NUP37: variants seen among roughly 807,000 people sequenced by gnomAD.
NUP37 encodes nucleoporin Nup37.
A neutral mutation model predicts 45.4 loss-of-function variants in NUP37; 33 were observed. The ratio of observed to expected loss-of-function variants is 0.73; its 90% CI spans 0.55 to 0.97. The LOEUF (loss-of-function observed/expected upper bound fraction) is 0.97, where lower values mean the gene tolerates loss of function less well. Ranked by LOEUF, NUP37 falls within the 50% of genes least tolerant of loss-of-function variation. The pLI is 0.00. For missense variants in NUP37, 365 were observed against 389.7 expected (o/e 0.94, Z 0.53); for synonymous variants, 127 against 130.7 (o/e 0.97, Z 0.19).
At chr12:102,074,787 CA>C in intron 9 of NUP37, 3 of 443,902 alleles carry the variant, frequency 6.8e-6, no homozygotes, top group South Asian at 5.2e-5. Flanking sequence ...GAATACTGGC[CA>C]AAAAAACCTG....
In NUP37 at chr12:102,112,094, A is replaced by G. The variant is rs747870614; in HGVS notation, c.281+14T>C. On this transcript the variant is annotated intron_variant, in intron 3 of 9. Coordinates refer to ENST00000552283, the MANE Select transcript of NUP37 (RefSeq NM_024057.4). ...TACATTAGTAAGGAATGCATTTGGT[A>G]CTGTTAAACTTACTTGATTACTGGA... 3.1e-6 allele frequency: 5 copies of G among 1,611,838 alleles called. No individual in the cohort carries two copies. In the South Asian group the frequency reaches 5.5e-5, roughly 18 times the overall value.
chr12:102,108,627 GTATGT>G (rs138745104), intron 3 of NUP37, among the ~76,000 whole-genome samples: 5,669 of 152,208 alleles, frequency 0.037, 141 homozygotes, highest in African/African-American at 0.068. Context: ...GTTTAAACAC[GTATGT>G]TATATTTTAT....
chr12:102,118,601 G>A lies in NUP37; in HGVS notation c.-65-18C>T, dbSNP rs1340186561. The A allele has an allele frequency of 3.2e-6, 4 of 1,242,674 alleles. No individual in the cohort carries two copies. Among genetic ancestry groups the A allele is most frequent in the Non-Finnish European group, 3.4e-6 (3 of 886,498 alleles). The allele number at this position is 1,242,674 out of a possible 1,614,324, so 77.0% of individuals were successfully genotyped here. A position where few individuals can be genotyped will look rare whatever the true frequency, so the allele number is the denominator to read the frequency against. ...TCACGAAACTGTGGATTAGAGCACA[G>A]GTACAATTACAATGGTCAATATGTT... is the stretch of plus-strand genomic sequence containing the variant. On this transcript the variant is annotated intron_variant, in intron 1 of 9. Transcript: ENST00000552283.
chr12:102,075,521 T>C (rs1330519634), intron 8 of NUP37, among the ~76,000 whole-genome samples: 1 of 152,188 alleles, frequency 6.6e-6, no homozygotes, highest in Non-Finnish European at 1.5e-5. Flanking sequence ...GTGATTTTAA[T>C]AATCCTAAAT....
chr12:102,117,000 TCAAAA>T (rs1349900204), intron 2 of NUP37, among the ~76,000 whole-genome samples: 1 of 152,054 alleles, frequency 6.6e-6, no homozygotes, highest in Non-Finnish European at 1.5e-5. Flanking sequence ...AGACTCCGTC[TCAAAA>T]CAAAACAAAA....
rs373881817 is a variant in NUP37, at chr12:102,091,373, G to A, written c.450-5517C>T. ...AGATTTTGCCACTGTACTCCAGCCCGGGAAACAGAGTGAGAGACTCCGTCT... is the reference window on the plus strand; with the variant it reads ...AGATTTTGCCACTGTACTCCAGCCCAGGAAACAGAGTGAGAGACTCCGTCT... On this transcript the variant is annotated intron_variant, in intron 5 of 9. Coordinates refer to ENST00000552283, the MANE Select transcript of NUP37 (RefSeq NM_024057.4). Among the ~76,000 whole-genome samples, 167 of 129,348 alleles carry A rather than the reference G, an allele frequency of 1.3e-3. 5 individuals are homozygous for A. The highest frequency in any genetic ancestry group is 8.0e-3 in the South Asian group (33 of 4,120). The allele number at this position is 129,348 out of a possible 152,430, so 84.9% of individuals were successfully genotyped here.
At chr12:102,087,984 T>TAACA (rs547836003) in intron 5 of NUP37, among the ~76,000 whole-genome samples, 1 of 152,138 alleles carries the variant, frequency 6.6e-6, no homozygotes, top group Non-Finnish European at 1.5e-5. Context: ...TTAAGAAAAC[T>TAACA]AACAAACAAA....
chr12:102,083,265 A>G (rs1879377801), intron 6 of NUP37, among the ~76,000 whole-genome samples: 2 of 152,238 alleles, frequency 1.3e-5, no homozygotes, highest in African/African-American at 4.8e-5. Context: ...GTGTGTTTTA[A>G]GTAGACTCAC....
intron 6 of NUP37, among the ~76,000 whole-genome samples, chr12:102,083,779 C>T (rs1000447784): frequency 3.3e-5 from 5 of 152,176 alleles, no homozygotes; most frequent in South Asian, 2.1e-4. Flanking sequence ...TCAGATAATG[C>T]GGCTTTAAAA....
intron 5 of NUP37, among the ~76,000 whole-genome samples, chr12:102,097,797 G>A (rs764297304): frequency 6.6e-6 from 1 of 151,960 alleles, no homozygotes; most frequent in African/African-American, 2.4e-5. Context: ...TACTCTTCAG[G>A]TCACTATACA....
At position 102,075,051 on chromosome 12, in the gene NUP37, G is replaced by T; in HGVS notation, c.817C>A (p.Pro273Thr). ...TGAAACTGGCTTGCCATTTTGCCAG[G>T]ATAACCAGTGGTTGCAAACAGATTT... ...SENLFATTGY[P>T]GKMASQFQIH... The change falls in exon 9 of 10, where the codon CCT (proline) becomes ACT (threonine). Residue 273 changes from proline to threonine, a missense_variant. Pro to Thr is a conservative substitution (Grantham distance 38). Coordinates refer to ENST00000552283, the MANE Select transcript of NUP37 (RefSeq NM_024057.4). 1.2e-6 allele frequency: 2 copies of T among 1,610,548 alleles called. No homozygotes were observed. The highest frequency in any genetic ancestry group is 1.7e-6 in the Non-Finnish European group (2 of 1,177,882).
chr12:102,078,957 T>C (rs1879259242), intron 6 of NUP37: 1 of 184,616 alleles, frequency 5.4e-6, no homozygotes, highest in Non-Finnish European at 1.2e-5. Context: ...TACCCATCTG[T>C]GGGAGATAAG....
intron 5 of NUP37, among the ~76,000 whole-genome samples, chr12:102,091,832 G>A (rs1879665687): frequency 6.6e-6 from 1 of 152,210 alleles, no homozygotes; most frequent in African/African-American, 2.4e-5. Context: ...TGATGGGATA[G>A]AGAGCTATTC....
intron 3 of NUP37, among the ~76,000 whole-genome samples, chr12:102,111,783 T>C (rs1247639094): frequency 7.9e-6 from 1 of 126,562 alleles, no homozygotes; most frequent in Admixed American, 7.5e-5. Flanking sequence ...CTCAACCAAA[T>C]TTAGTTATTT....
intron 8 of NUP37, 49 bp from the exon 9 acceptor site, chr12:102,075,143 G>T: frequency 8.4e-7 from 1 of 1,184,406 alleles, no homozygotes; most frequent in South Asian, 1.5e-5. Flanking sequence ...TATGGATAAT[G>T]ACAAGCTTTT....
rs150087928 is a variant in NUP37, at chr12:102,112,569, G to A, written c.157-337C>T. On this transcript the variant is annotated intron_variant, in intron 2 of 9. Transcript: ENST00000552283. ...CCCAACACTTTGCGGGGCTGAGGTG[G>A]AAGGATTGCTTGAGCTCTGGAGTCT... Among the ~76,000 whole-genome samples, 898 of 152,272 alleles carry A rather than the reference G, an allele frequency of 5.9e-3. 11 individuals are homozygous for A. The highest frequency in any genetic ancestry group is 0.02 in the African/African-American group (842 of 41,542).
intron 6 of NUP37, among the ~76,000 whole-genome samples, chr12:102,083,967 A>G (rs1209487778): frequency 6.6e-6 from 1 of 152,230 alleles, no homozygotes; most frequent in African/African-American, 2.4e-5. Flanking sequence ...GACGAAATGA[A>G]GTTAAAAGGT....
intron 5 of NUP37, among the ~76,000 whole-genome samples, chr12:102,091,194 C>T (rs986632256): frequency 6.2e-4 from 94 of 151,836 alleles, no homozygotes; most frequent in African/African-American, 2.2e-3. Context: ...GTCAGGAGTT[C>T]GAGACCAGCC....
chr12:102,095,411 C>T (rs549234908), intron 5 of NUP37, among the ~76,000 whole-genome samples: 2 of 152,092 alleles, frequency 1.3e-5, no homozygotes, highest in African/African-American at 2.4e-5. Flanking sequence ...GTATTTTTAT[C>T]AACCTGTGTA....
Sources: gnomAD v4.1 joint callset for allele counts (sites outside exome capture counted in the v4.1 genomes callset) on GRCh38, gnomAD v4.1.1 for gene constraint, MANE v1.5 for transcripts, NCBI Gene and HGNC (gene_info 2026-07-23, HGNC 2026-07-21) for gene names.